CERS6: variants seen among roughly 807,000 people sequenced by gnomAD.
The protein encoded by CERS6 is LAG1 homolog, ceramide synthase 6.
Under a neutral mutation model 56.8 loss-of-function variants are expected in CERS6, and 26 were observed. The ratio of observed to expected loss-of-function variants is 0.46; its 90% CI spans 0.34 to 0.63. The LOEUF (loss-of-function observed/expected upper bound fraction) is 0.63. Ranked by LOEUF, CERS6 falls within the 30% of genes least tolerant of loss-of-function variation. CERS6 has a pLI of 0.01. For missense variants in CERS6, 415 were observed against 467.5 expected (o/e 0.89, Z 1.04); for synonymous variants, 164 against 173.3 (o/e 0.95, Z 0.42).
At chr2:168,767,874 C>T (rs1471114277) in intron 9 of CERS6, among the ~76,000 whole-genome samples, 1 of 152,168 alleles carries the variant, frequency 6.6e-6, no homozygotes, top group Non-Finnish European at 1.5e-5. Flanking sequence ...ACAGGAGGAC[C>T]AGATTGGGAA....
At chr2:168,735,354 A>C (rs927615763) in intron 8 of CERS6, among the ~76,000 whole-genome samples, 2 of 152,208 alleles carry the variant, frequency 1.3e-5, no homozygotes, top group Non-Finnish European at 2.9e-5. Flanking sequence ...TAGGCCTATA[A>C]ATTGTACCCA....
chr2:168,751,420 G>A (rs1684264406), intron 8 of CERS6, among the ~76,000 whole-genome samples: 4 of 152,170 alleles, frequency 2.6e-5, no homozygotes, highest in Admixed American at 1.3e-4. Context: ...ATTAAGCTTT[G>A]TTCTCTCTTG....
At chr2:168,675,117 G>T (rs62174386) in intron 4 of CERS6, among the ~76,000 whole-genome samples, 5,289 of 151,854 alleles carry the variant, frequency 0.035, 128 homozygotes, top group East Asian at 0.13. Flanking sequence ...GGGACTACAG[G>T]CGCACACCAC....
intron 1 of CERS6, among the ~76,000 whole-genome samples, chr2:168,535,707 T>G (rs1416623725): frequency 1.4e-5 from 2 of 147,396 alleles, no homozygotes; most frequent in Admixed American, 1.4e-4. Context: ...ATGACCATCT[T>G]TTCATATGTC....
At chr2:168,468,191 T>A (rs987424128) in intron 1 of CERS6, among the ~76,000 whole-genome samples, 1 of 152,222 alleles carries the variant, frequency 6.6e-6, no homozygotes, top group Admixed American at 6.5e-5. Context: ...CTCTGGCTTC[T>A]GTGCCTTTGG....
intron 1 of CERS6, among the ~76,000 whole-genome samples, chr2:168,490,166 C>G (rs185622852): frequency 7.4e-4 from 113 of 152,294 alleles, no homozygotes; most frequent in African/African-American, 2.6e-3. Flanking sequence ...TGTTGCTATA[C>G]TGTTCTAGAT....
chr2:168,677,652 C>T (rs1289561782), intron 4 of CERS6, among the ~76,000 whole-genome samples: 2 of 152,090 alleles, frequency 1.3e-5, no homozygotes, highest in East Asian at 1.9e-4. Flanking sequence ...CATGCACCAC[C>T]ACGCCTGGCT....
At chr2:168,733,925 AT>A (rs1683632144) in intron 8 of CERS6, among the ~76,000 whole-genome samples, 1 of 152,194 alleles carries the variant, frequency 6.6e-6, no homozygotes, top group Non-Finnish European at 1.5e-5. Context: ...TTGCTTCAAA[AT>A]GGAGGGGTCA....
At chr2:168,494,454 A>T (rs1019404484) in intron 1 of CERS6, among the ~76,000 whole-genome samples, 5 of 152,204 alleles carry the variant, frequency 3.3e-5, no homozygotes, top group African/African-American at 1.2e-4. Flanking sequence ...TTGGGTTATG[A>T]TGAGGATCAA....
intron 1 of CERS6, among the ~76,000 whole-genome samples, chr2:168,508,588 A>G (rs1481863388): frequency 6.6e-6 from 1 of 152,148 alleles, no homozygotes; most frequent in Non-Finnish European, 1.5e-5. Flanking sequence ...GGAAACCATC[A>G]TTCTCAGCAA....
chr2:168,476,228 A>G (rs1694066497), intron 1 of CERS6, among the ~76,000 whole-genome samples: 1 of 150,696 alleles, frequency 6.6e-6, no homozygotes, highest in South Asian at 2.1e-4. Context: ...TTTTTTAATC[A>G]CCCTTTTATC....
intron 1 of CERS6, among the ~76,000 whole-genome samples, chr2:168,473,859 G>T (rs1349957355): frequency 6.6e-6 from 1 of 152,048 alleles, no homozygotes; most frequent in Non-Finnish European, 1.5e-5. Context: ...TCAATGATTT[G>T]TCTACATATG....
At chr2:168,497,094 GT>G (rs1694485670) in intron 1 of CERS6, among the ~76,000 whole-genome samples, 1 of 152,184 alleles carries the variant, frequency 6.6e-6, no homozygotes, top group African/African-American at 2.4e-5. Flanking sequence ...TTGAACCACA[GT>G]TTATAGGGGG....
intron 6 of CERS6, among the ~76,000 whole-genome samples, chr2:168,699,691 C>T (rs1157284745): frequency 6.6e-6 from 1 of 152,038 alleles, no homozygotes; most frequent in Admixed American, 6.5e-5. Context: ...CATTGCCTCA[C>T]TTGTAATCAT....
At chr2:168,584,901 A>AAATATGTAAGTG (rs1469090570) in intron 3 of CERS6, among the ~76,000 whole-genome samples, 27 of 152,372 alleles carry the variant, frequency 1.8e-4, no homozygotes, top group African/African-American at 6.0e-4. Context: ...AGGAAGTAGA[A>AAATATGTAAGTG]AATATGTAAG....
At chr2:168,552,546 G>A (rs1695595367) in intron 2 of CERS6, among the ~76,000 whole-genome samples, 1 of 152,180 alleles carries the variant, frequency 6.6e-6, no homozygotes, top group African/African-American at 2.4e-5. Context: ...AGCATGAAGT[G>A]TGTCTGGAGG....
chr2:168,494,965 G>A (rs988650470), intron 1 of CERS6, among the ~76,000 whole-genome samples: 2 of 152,108 alleles, frequency 1.3e-5, no homozygotes, highest in Non-Finnish European at 2.9e-5. Context: ...TTGGAACCTT[G>A]AACACACATT....
chr2:168,678,902 A>G (rs753868594), intron 4 of CERS6, among the ~76,000 whole-genome samples: 19 of 152,240 alleles, frequency 1.2e-4, no homozygotes, highest in Non-Finnish European at 2.6e-4. Flanking sequence ...TTGCAGCAAC[A>G]TTCAAAATAG....
intron 1 of CERS6, among the ~76,000 whole-genome samples, chr2:168,483,159 C>A (rs921790240): frequency 2.0e-5 from 3 of 152,172 alleles, no homozygotes; most frequent in Admixed American, 6.5e-5. Context: ...TAGAGCCTTA[C>A]ATAGACTATC....
Sources: gnomAD v4.1 joint callset for allele counts (sites outside exome capture counted in the v4.1 genomes callset) on GRCh38, gnomAD v4.1.1 for gene constraint, MANE v1.5 for transcripts, NCBI Gene and HGNC (gene_info 2026-07-23, HGNC 2026-07-21) for gene names.